The following SLC24A2 variants were observed in gnomAD, a reference collection of about 807,000 sequenced individuals.
The protein encoded by SLC24A2 is solute carrier family 24 member 2, also known as sodium/potassium/calcium exchanger 2.
SLC24A2 carries 36 observed loss-of-function variants against 62.0 expected under a neutral mutation model. That is an observed-to-expected ratio of 0.58 (90% CI 0.44 to 0.77). The LOEUF is 0.77. Among genes scored for constraint, SLC24A2 ranks in the 30% least tolerant of loss-of-function variants. SLC24A2 has a pLI of 0.00. For synonymous variants in SLC24A2, 358 were observed against 294.0 expected (o/e 1.22, Z -2.23); for missense variants, 846 against 817.9 (o/e 1.03, Z -0.42).
chr9:19,519,833 G>A (rs773234222), intron 10 of SLC24A2, among the ~76,000 whole-genome samples: 3 of 152,168 alleles, frequency 2.0e-5, no homozygotes, highest in Non-Finnish European at 4.4e-5. Context: ...TTCAGTGGGG[G>A]CTCACGTGTA....
At chr9:19,592,831 A>G (rs374881241) in intron 5 of SLC24A2, among the ~76,000 whole-genome samples, 2 of 152,224 alleles carry the variant, frequency 1.3e-5, no homozygotes, top group Admixed American at 6.5e-5. Flanking sequence ...TAAAAGTTGG[A>G]GATTGCTCTT....
the SLC24A2 span, among the ~76,000 whole-genome samples, chr9:19,873,537 T>C: frequency 1.8e-5 from 2 of 112,890 alleles, no homozygotes; most frequent in East Asian, 6.3e-4. Context: ...CCTTTCTTTC[T>C]CTTTCTTTCT....
chr9:19,687,002 G>C (rs1819901173), intron 2 of SLC24A2, among the ~76,000 whole-genome samples: 1 of 152,116 alleles, frequency 6.6e-6, no homozygotes, highest in Non-Finnish European at 1.5e-5. Context: ...TGGAGCTGGA[G>C]ACCATAATCC....
At chr9:19,637,571 T>A (rs557452816) in intron 2 of SLC24A2, among the ~76,000 whole-genome samples, 25 of 152,304 alleles carry the variant, frequency 1.6e-4, no homozygotes, top group Admixed American at 5.9e-4. Context: ...ATTTTGGAAA[T>A]GGGTGCACTT....
At chr9:19,555,173 A>AT (rs1429675163) in intron 7 of SLC24A2, among the ~76,000 whole-genome samples, 62 of 152,188 alleles carry the variant, frequency 4.1e-4, no homozygotes, top group South Asian at 8.3e-4. Flanking sequence ...CTCTTAAAAA[A>AT]AAAATTATCT....
the SLC24A2 span, among the ~76,000 whole-genome samples, chr9:19,896,346 C>G: frequency 3.9e-5 from 6 of 152,166 alleles, no homozygotes; most frequent in Admixed American, 3.9e-4. Context: ...GTATGTGGCA[C>G]TGGTCTTTCC....
chr9:20,197,505 C>T, the SLC24A2 span, among the ~76,000 whole-genome samples: 1 of 144,626 alleles, frequency 6.9e-6, no homozygotes. Context: ...AATCACAGCT[C>T]ACTGCAGCCT....
At chr9:20,204,879 G>T in the SLC24A2 span, among the ~76,000 whole-genome samples, 1 of 151,726 alleles carries the variant, frequency 6.6e-6, no homozygotes, top group African/African-American at 2.4e-5. Context: ...GAGTAGCCTG[G>T]ACTACAGGCG....
At chr9:19,556,169 C>G (rs756095853) in intron 7 of SLC24A2, among the ~76,000 whole-genome samples, 2 of 152,140 alleles carry the variant, frequency 1.3e-5, no homozygotes, top group Non-Finnish European at 2.9e-5. Context: ...ATGGGAGGTA[C>G]AGCAGTAGCT....
the SLC24A2 span, among the ~76,000 whole-genome samples, chr9:19,884,572 T>C: frequency 6.6e-6 from 1 of 152,196 alleles, no homozygotes; most frequent in Non-Finnish European, 1.5e-5. Context: ...TGTATATATG[T>C]ATATATATTC....
the SLC24A2 span, among the ~76,000 whole-genome samples, chr9:20,167,887 G>T: frequency 2.1e-5 from 3 of 143,490 alleles, no homozygotes; most frequent in African/African-American, 7.6e-5. Flanking sequence ...GCCCAGCCCT[G>T]TTTTTTTTTT....
chr9:20,174,274 T>C, the SLC24A2 span, among the ~76,000 whole-genome samples: 2 of 152,066 alleles, frequency 1.3e-5, no homozygotes, highest in South Asian at 2.1e-4. Context: ...AAAACCCTTC[T>C]AGACATTGGC....
At chr9:20,155,789 A>G in the SLC24A2 span, among the ~76,000 whole-genome samples, 2 of 151,784 alleles carry the variant, frequency 1.3e-5, no homozygotes, top group African/African-American at 4.8e-5. Context: ...TTTAATTTTA[A>G]GTAAATAAAA....
At chr9:20,145,484 AT>A in the SLC24A2 span, among the ~76,000 whole-genome samples, 1 of 151,992 alleles carries the variant, frequency 6.6e-6, no homozygotes, top group African/African-American at 2.4e-5. Flanking sequence ...TTTATTCTCG[AT>A]TATAGTGATT....
At chr9:19,808,027 A>G in the SLC24A2 span, among the ~76,000 whole-genome samples, 1 of 152,220 alleles carries the variant, frequency 6.6e-6, no homozygotes, top group South Asian at 2.1e-4. This position sits in a 1 kb window ranked among gnomAD's most constrained non-coding sequence, Gnocchi z 4.1. Flanking sequence ...CTGTGGGGAA[A>G]GACATTTGTG....
intron 7 of SLC24A2, among the ~76,000 whole-genome samples, chr9:19,552,499 C>G (rs910067288): frequency 2.0e-5 from 3 of 152,142 alleles, no homozygotes; most frequent in Non-Finnish European, 4.4e-5. Flanking sequence ...AATAAATACC[C>G]CATCTCACAT....
chr9:19,559,868 C>T (rs1486001250), intron 7 of SLC24A2, among the ~76,000 whole-genome samples: 1 of 152,116 alleles, frequency 6.6e-6, no homozygotes, highest in African/African-American at 2.4e-5. Flanking sequence ...TGTCAATGGA[C>T]TACAAAAATA....
chr9:19,720,616 G>A (rs893294845), intron 2 of SLC24A2, among the ~76,000 whole-genome samples: 4 of 151,812 alleles, frequency 2.6e-5, no homozygotes, highest in Admixed American at 6.6e-5. Context: ...TTTCCTCAAT[G>A]CTGGAGTCTT....
At chr9:19,731,939 C>T (rs376750694) in intron 2 of SLC24A2, among the ~76,000 whole-genome samples, 1 of 152,154 alleles carries the variant, frequency 6.6e-6, no homozygotes, top group African/African-American at 2.4e-5. Flanking sequence ...CAAATATTAT[C>T]TCTTTTGTCT....
Sources: gnomAD v4.1 joint callset for allele counts (sites outside exome capture counted in the v4.1 genomes callset) on GRCh38, gnomAD v4.1.1 for gene constraint, Gnocchi (gnomAD v3.1) non-coding constraint, MANE v1.5 for transcripts, NCBI Gene and HGNC (gene_info 2026-07-23, HGNC 2026-07-21) for gene names.